THSD7B: variants seen among roughly 807,000 people sequenced by gnomAD.
THSD7B encodes the protein thrombospondin type-1 domain-containing protein 7B.
In THSD7B, 138 loss-of-function variants were observed where a neutral mutation model predicts 213.6. That is an observed-to-expected ratio of 0.65 (90% CI 0.56 to 0.74). The LOEUF (loss-of-function observed/expected upper bound fraction) is 0.74, where lower values mean the gene tolerates loss of function less well. Ranked by LOEUF, THSD7B falls within the 30% of genes least tolerant of loss-of-function variation. The pLI is 0.00. For missense variants in THSD7B, 1,931 were observed against 1,991.5 expected, an observed-to-expected ratio of 0.97 and a Z score of 0.58; for synonymous variants, 742 against 687.0, an observed-to-expected ratio of 1.08 and a Z score of -1.25.
At chr2:137,633,189 T>A (rs16839191) in intron 20 of THSD7B, among the ~76,000 whole-genome samples, 3,913 of 152,286 alleles carry the variant, frequency 0.026, 170 homozygotes, top group African/African-American at 0.088. Context: ...TTCCTGATAT[T>A]TGTTAAGAGA....
At chr2:136,814,391 T>C (rs556731398) in intron 1 of THSD7B, among the ~76,000 whole-genome samples, 1 of 152,098 alleles carries the variant, frequency 6.6e-6, no homozygotes, top group African/African-American at 2.4e-5. Flanking sequence ...TTTTTTCTTT[T>C]TATTTTATTA....
intron 15 of THSD7B, among the ~76,000 whole-genome samples, chr2:137,546,405 T>TATA (rs1558834290): frequency 1.9e-4 from 5 of 26,824 alleles, no homozygotes; most frequent in African/African-American, 1.2e-3. Context: ...TTATATATAT[T>TATA]ATATATATAT....
chr2:136,775,467 T>C (rs1681583289), intron 1 of THSD7B, among the ~76,000 whole-genome samples: 1 of 152,116 alleles, frequency 6.6e-6, no homozygotes, highest in Non-Finnish European at 1.5e-5. Flanking sequence ...TGGACATCTT[T>C]TTTCAACATG....
intron 2 of THSD7B, among the ~76,000 whole-genome samples, chr2:136,921,181 C>T (rs1478984187): frequency 2.7e-5 from 4 of 149,782 alleles, no homozygotes; most frequent in East Asian, 2.0e-4. Flanking sequence ...TTACAGCAGC[C>T]GCTCCAGATG....
intron 5 of THSD7B, among the ~76,000 whole-genome samples, chr2:137,122,759 A>G (rs995131694): frequency 2.6e-5 from 4 of 152,058 alleles, no homozygotes; most frequent in South Asian, 4.2e-4. Flanking sequence ...CCACTATCAT[A>G]TAGTCTCCCT....
chr2:137,222,491 A>G (rs1681393091), intron 7 of THSD7B, among the ~76,000 whole-genome samples: 1 of 152,220 alleles, frequency 6.6e-6, no homozygotes, highest in Non-Finnish European at 1.5e-5. Context: ...GTTTTTCTGC[A>G]AAACTCTCAT....
At chr2:136,767,053 C>G (rs373702685) in intron 1 of THSD7B, among the ~76,000 whole-genome samples, 1 of 151,876 alleles carries the variant, frequency 6.6e-6, no homozygotes, top group Non-Finnish European at 1.5e-5. Context: ...GACAGGTAAT[C>G]TTTGGATGTC....
intron 1 of THSD7B, among the ~76,000 whole-genome samples, chr2:136,801,786 A>G (rs1682186111): frequency 6.6e-6 from 1 of 152,120 alleles, no homozygotes; most frequent in South Asian, 2.1e-4. Flanking sequence ...GCAGCTGTGA[A>G]TGGCTAAAAC....
intron 10 of THSD7B, among the ~76,000 whole-genome samples, chr2:137,270,205 C>T (rs1176845984): frequency 2.6e-5 from 4 of 152,094 alleles, no homozygotes; most frequent in Non-Finnish European, 5.9e-5. Flanking sequence ...ACCTTGATGT[C>T]TCTATCCCTC....
At chr2:137,105,583 G>T (rs886905554) in intron 4 of THSD7B, among the ~76,000 whole-genome samples, 11 of 152,000 alleles carry the variant, frequency 7.2e-5, no homozygotes, top group African/African-American at 1.4e-4. Flanking sequence ...AAGGAATGAA[G>T]GTATTCAAAT....
chr2:137,322,567 C>T (rs1157024085), intron 12 of THSD7B, among the ~76,000 whole-genome samples: 1 of 152,166 alleles, frequency 6.6e-6, no homozygotes, highest in Non-Finnish European at 1.5e-5. Context: ...TCTATCAAGA[C>T]AGTGTGGGAC....
rs542213225 is a variant in THSD7B, at chr2:136,863,564, A to G, written c.-35-18580A>G. On this transcript the variant is annotated intron_variant, in intron 1 of 27. Coordinates refer to ENST00000409968, the MANE Select transcript of THSD7B (RefSeq NM_001316349.2). ...ACTACTGAATGAAATCAGCCGAAAG[A>G]TGGCTGTCGCAGTGACTATCATTGT... Among the ~76,000 whole-genome samples the G allele has an allele frequency of 2.6e-5, 4 of 152,316 alleles. No homozygotes were observed. In the South Asian group the frequency reaches 8.3e-4, roughly 32 times the overall value.
intron 15 of THSD7B, among the ~76,000 whole-genome samples, chr2:137,512,888 G>A (rs1283895165): frequency 6.6e-6 from 1 of 152,102 alleles, no homozygotes; most frequent in East Asian, 1.9e-4. Flanking sequence ...GCAGAAACAA[G>A]ATGAATGACT....
intron 1 of THSD7B, among the ~76,000 whole-genome samples, chr2:136,819,077 C>G (rs76262924): frequency 6.6e-6 from 1 of 152,066 alleles, no homozygotes; most frequent in East Asian, 1.9e-4. Flanking sequence ...CTTTGTTTTG[C>G]TTATTTCATC....
intron 1 of THSD7B, among the ~76,000 whole-genome samples, chr2:136,817,022 A>T (rs958874569): frequency 2.0e-5 from 3 of 152,168 alleles, no homozygotes; most frequent in Non-Finnish European, 2.9e-5. Flanking sequence ...GTTAGAGTAG[A>T]TTCTAGGAGT....
chr2:136,906,936 G>GTTTTT (rs57887270), intron 2 of THSD7B, among the ~76,000 whole-genome samples: 2,118 of 55,146 alleles, frequency 0.038, 534 homozygotes, highest in Middle Eastern at 0.14. Flanking sequence ...ACATTTCAAG[G>GTTTTT]TTTTTTTTTT....
chr2:137,364,805 G>A (rs1223792755), intron 12 of THSD7B, among the ~76,000 whole-genome samples: 1 of 152,222 alleles, frequency 6.6e-6, no homozygotes, highest in East Asian at 1.9e-4. Context: ...CGTGAAAATG[G>A]CCATACTGCC....
Position 137,081,425 on chromosome 2 carries a change from G to A in THSD7B, c.951-13448G>A, listed in dbSNP as rs1460448487. On this transcript the variant is annotated intron_variant, in intron 3 of 27. Transcript: ENST00000409968. ...TGTATTTTTGGTACTTTCCTTTAATGTTTTCACTGAATCTTGTATGTCATC... is the reference window on the plus strand; with the variant it reads ...TGTATTTTTGGTACTTTCCTTTAATATTTTCACTGAATCTTGTATGTCATC... Among the ~76,000 whole-genome samples, 3 of 151,658 alleles carry A rather than the reference G, an allele frequency of 2.0e-5. No homozygotes were observed. The East Asian group carries it at 5.8e-4, about 29-fold the overall frequency.
chr2:137,675,300 A>G, intron 27 of THSD7B, among the ~76,000 whole-genome samples: 1 of 46,002 alleles, frequency 2.2e-5, no homozygotes, highest in South Asian at 1.3e-3. Flanking sequence ...TGAATTGTAT[A>G]GATTAAAATC....
Sources: gnomAD v4.1 joint callset for allele counts (sites outside exome capture counted in the v4.1 genomes callset) on GRCh38, gnomAD v4.1.1 for gene constraint, MANE v1.5 for transcripts, NCBI Gene and HGNC (gene_info 2026-07-23, HGNC 2026-07-21) for gene names.